Variants in PTPN13 observed in about 807,000 individuals in gnomAD.
The protein encoded by PTPN13 is protein tyrosine phosphatase non-receptor type 13.
PTPN13 carries 191 observed loss-of-function variants against 284.0 expected under a neutral mutation model. The observed-to-expected ratio is 0.67, with a 90% CI of 0.60 to 0.76. The LOEUF (loss-of-function observed/expected upper bound fraction) is 0.76, where lower values mean the gene tolerates loss of function less well. PTPN13 is among the 30% of genes least tolerant of loss of function. The probability of loss-of-function intolerance (pLI) is 0.00; values close to 1 mark genes in which losing one functional copy is unlikely to be tolerated. For synonymous variants in PTPN13, 986 were observed against 1,022.3 expected (o/e 0.96, Z 0.68); for missense variants, 2,797 against 2,939.9 (o/e 0.95, Z 1.12).
intron 5 of PTPN13, among the ~76,000 whole-genome samples, chr4:86,692,984 C>T (rs1476974249): frequency 6.7e-6 from 1 of 148,618 alleles, no homozygotes; most frequent in Non-Finnish European, 1.5e-5. Flanking sequence ...GAGGCTAAGG[C>T]ATGAGAATCG....
In PTPN13 at chr4:86,594,420, C is replaced by T. The variant is rs1763391206; in HGVS notation, c.-375C>T. On this transcript the variant is annotated 5_prime_UTR_variant, in exon 1 of 48. Coordinates refer to ENST00000411767, the MANE Select transcript of PTPN13 (RefSeq NM_080683.3). ...TGCTCCGTAGCTCCCCGGTCCGCCT[C>T]GGCAGCGGTCAGAGTCGCCTACAGG... 1 of 152,372 alleles carries T rather than the reference C, an allele frequency of 6.6e-6. No homozygotes were observed. Among genetic ancestry groups the T allele is most frequent in the Non-Finnish European group, 1.5e-5 (1 of 68,070 alleles). 9.4% of individuals were successfully genotyped at this position (152,372 alleles called of 1,614,324 possible).
intron 40 of PTPN13, among the ~76,000 whole-genome samples, chr4:86,788,449 A>C (rs1165610883): frequency 6.6e-6 from 1 of 152,200 alleles, no homozygotes; most frequent in African/African-American, 2.4e-5. Context: ...GTAACTTTGA[A>C]AGTTTTATCA....
In PTPN13 at chr4:86,610,191, C is replaced by T. The variant is rs571377829; in HGVS notation, c.-6+15402C>T. ...ATCACACCACTGCACTCCAGCCAGA[C>T]GACAGCAAAACTCCATCTCAAAAAT... On this transcript the variant is annotated intron_variant, in intron 1 of 47. Coordinates refer to ENST00000411767, the MANE Select transcript of PTPN13 (RefSeq NM_080683.3). Among the ~76,000 whole-genome samples the T allele has an allele frequency of 1.5e-3, 226 of 151,958 alleles. 2 individuals carry two copies. The highest frequency in any genetic ancestry group is 5.1e-3 in the African/African-American group (212 of 41,448).
chr4:86,608,687 C>T (rs1765009555), intron 1 of PTPN13, among the ~76,000 whole-genome samples: 1 of 152,102 alleles, frequency 6.6e-6, no homozygotes, highest in Non-Finnish European at 1.5e-5. Flanking sequence ...CATTTTGCAT[C>T]TAGGCAATCT....
intron 1 of PTPN13, among the ~76,000 whole-genome samples, chr4:86,608,229 A>G (rs1217804477): frequency 6.6e-6 from 1 of 152,132 alleles, no homozygotes; most frequent in Non-Finnish European, 1.5e-5. Context: ...AGGGAGAACC[A>G]ACCTATTTTA....
intron 42 of PTPN13, among the ~76,000 whole-genome samples, chr4:86,801,436 T>TG (rs1192757054): frequency 2.0e-5 from 3 of 152,178 alleles, no homozygotes; most frequent in African/African-American, 4.8e-5. Flanking sequence ...GAGGTTTTTT[T>TG]GGGGGGTGAG....
chr4:86,744,660 CAGTATTT>C (rs1416982978), intron 16 of PTPN13, among the ~76,000 whole-genome samples: 1 of 152,134 alleles, frequency 6.6e-6, no homozygotes, highest in Non-Finnish European at 1.5e-5. Context: ...CAATTGCCTA[CAGTATTT>C]AGTACAGTAG....
At position 86,750,583 on chromosome 4, in the gene PTPN13, G is replaced by C. The variant is rs1448882824; in HGVS notation, c.2764G>C (p.Val922Leu). Residue 922 changes from valine to leucine, a missense_variant, in exon 18 of 48, where the codon GTT (valine) becomes CTT (leucine). Physicochemically the swap from Val to Leu is conservative, Grantham distance 32 (BLOSUM62 1). Coordinates refer to ENST00000411767, the MANE Select transcript of PTPN13 (RefSeq NM_080683.3). ...CAGCAGCACCCTCAACAAACTTGCT[G>C]TTCGACCTTTATCAGTTCAAGCTGA... ...LASSTLNKLA[V>L]RPLSVQAEIL... The C allele has an allele frequency of 1.2e-6, 2 of 1,613,938 alleles. No homozygotes were observed. Among genetic ancestry groups the C allele is most frequent in the Non-Finnish European group, 1.7e-6 (2 of 1,179,882 alleles).
intron 2 of PTPN13, among the ~76,000 whole-genome samples, chr4:86,637,414 G>A (rs1459013555): frequency 5.9e-5 from 9 of 151,708 alleles, no homozygotes; most frequent in South Asian, 2.1e-4. Flanking sequence ...GATGAACATT[G>A]ATGCAAAAAT....
At chr4:86,722,115 A>T in intron 9 of PTPN13, 97 bp from the exon 10 acceptor site, 1 of 989,500 alleles carries the variant, frequency 1.0e-6, no homozygotes, top group Non-Finnish European at 1.5e-6. Flanking sequence ...AAATTTGTTT[A>T]AACTCTTGCA....
At chr4:86,652,287 G>A (rs773371518) in intron 2 of PTPN13, among the ~76,000 whole-genome samples, 3 of 152,076 alleles carry the variant, frequency 2.0e-5, no homozygotes, top group Non-Finnish European at 4.4e-5. Context: ...ACTAAAATAT[G>A]CATGATTTAT....
In PTPN13 at chr4:86,734,292, A is replaced by C; in HGVS notation, c.1859-11A>C. The C allele has an allele frequency of 6.9e-7, 1 of 1,439,882 alleles. No homozygotes were observed. Among genetic ancestry groups the C allele is most frequent in the Non-Finnish European group, 9.2e-7 (1 of 1,081,732 alleles). 89.2% of individuals were successfully genotyped at this position (1,439,882 alleles called of 1,614,324 possible). A position where few individuals can be genotyped will look rare whatever the true frequency, so the allele number is the denominator to read the frequency against. On this transcript the variant is annotated splice_polypyrimidine_tract_variant and intron_variant, in intron 12 of 47. Transcript: ENST00000411767. Reference sequence around the variant, plus strand: ...TTTATTTTATCTGAATATTTTTCTCATTCTGTTTAGATAATGAATATTTCT... The same window carrying C: ...TTTATTTTATCTGAATATTTTTCTCCTTCTGTTTAGATAATGAATATTTCT...
chr4:86,666,357 T>C (rs930841739), intron 2 of PTPN13, among the ~76,000 whole-genome samples: 2 of 151,498 alleles, frequency 1.3e-5, no homozygotes, highest in Non-Finnish European at 2.9e-5. Context: ...GGAACAGAGG[T>C]TTTAATAGGC....
chr4:86,814,604 A>G lies in PTPN13; in HGVS notation c.*53A>G. Reference sequence around the variant, plus strand: ...CATTTCTCTCCTTAACCTCCAGCAGACTCCTGCTCTCTATCCAAAATAAAG... The same window carrying G: ...CATTTCTCTCCTTAACCTCCAGCAGGCTCCTGCTCTCTATCCAAAATAAAG... On this transcript the variant is annotated 3_prime_UTR_variant, in exon 48 of 48. Coordinates refer to ENST00000411767, the MANE Select transcript of PTPN13 (RefSeq NM_080683.3). The G allele has an allele frequency of 7.2e-7, 1 of 1,383,740 alleles. No homozygotes were observed. Among genetic ancestry groups the G allele is most frequent in the Non-Finnish European group, 1.0e-6 (1 of 980,366 alleles). 85.7% of individuals were successfully genotyped at this position (1,383,740 alleles called of 1,614,324 possible).
Position 86,785,939 on chromosome 4 carries a change from A to G in PTPN13, c.6345+3A>G, listed in dbSNP as rs369140973. ...CTTTACCTGAGTATTTTACTGAGGT[A>G]ACAATAATACCTAAACAACCTAGGA... On this transcript the variant is annotated splice_donor_region_variant and intron_variant, in intron 40 of 47. Coordinates refer to ENST00000411767, the MANE Select transcript of PTPN13 (RefSeq NM_080683.3). The G allele has an allele frequency of 6.6e-7, 1 of 1,515,222 alleles. No individual in the cohort carries two copies. Among genetic ancestry groups the G allele is most frequent in the Non-Finnish European group, 9.0e-7 (1 of 1,116,584 alleles). The allele number at this position is 1,515,222 out of a possible 1,614,324, so 93.9% of individuals were successfully genotyped here.
At chr4:86,680,316 C>G (rs986575064) in intron 3 of PTPN13, among the ~76,000 whole-genome samples, 13 of 152,076 alleles carry the variant, frequency 8.5e-5, no homozygotes, top group African/African-American at 1.2e-4. Flanking sequence ...TGACTCTCAT[C>G]TTTCCATGTC....
At chr4:86,636,364 A>C (rs940826609) in intron 2 of PTPN13, among the ~76,000 whole-genome samples, 1 of 151,676 alleles carries the variant, frequency 6.6e-6, no homozygotes, top group African/African-American at 2.4e-5. Flanking sequence ...ATATCATGCC[A>C]GAAGTTGCAC....
At chr4:86,716,897 T>C in intron 8 of PTPN13, 127 bp from the exon 9 acceptor site, 1 of 665,782 alleles carries the variant, frequency 1.5e-6, no homozygotes. Flanking sequence ...AATAACATTA[T>C]GTCATTAATT....
chr4:86,750,964 T>C, intron 18 of PTPN13, 63 bp from the exon 19 acceptor site: 1 of 1,561,956 alleles, frequency 6.4e-7, no homozygotes, highest in Non-Finnish European at 8.7e-7. Context: ...TATGACATTT[T>C]ATTATTTTCA....
Sources: allele counts gnomAD v4.1 joint callset (sites outside exome capture counted in the v4.1 genomes callset), GRCh38; gene constraint gnomAD v4.1.1; transcripts MANE v1.5; gene names NCBI Gene and HGNC (gene_info 2026-07-23, HGNC 2026-07-21).